Variants in C1QTNF3 observed in about 807,000 individuals in gnomAD.
The protein encoded by C1QTNF3 is complement C1q tumor necrosis factor-related protein 3.
C1QTNF3 carries 26 observed loss-of-function variants against 32.6 expected under a neutral mutation model. The ratio of observed to expected loss-of-function variants is 0.80; its 90% confidence interval spans 0.58 to 1.11. C1QTNF3 has a LOEUF of 1.11. Ranked by LOEUF, C1QTNF3 falls within the 50% of genes least tolerant of loss-of-function variation. The pLI is 0.00. For synonymous variants in C1QTNF3, 155 were observed against 146.0 expected (o/e 1.06, Z -0.44); for missense variants, 362 against 398.2 (o/e 0.91, Z 0.77).
At chr5:34,105,193 T>C in the C1QTNF3 span, among the ~76,000 whole-genome samples, 1 of 152,012 alleles carries the variant, frequency 6.6e-6, no homozygotes, top group African/African-American at 2.4e-5. Context: ...ACTTGCTTCA[T>C]TTAACTTTGA....
chr5:34,189,005 G>A, the C1QTNF3 span, among the ~76,000 whole-genome samples: 3 of 149,164 alleles, frequency 2.0e-5, no homozygotes, highest in East Asian at 3.9e-4. Context: ...AGTCTCATGA[G>A]GTCTGATGGT....
chr5:34,198,025 G>C, the C1QTNF3 span, among the ~76,000 whole-genome samples: 1 of 144,046 alleles, frequency 6.9e-6, no homozygotes, highest in Non-Finnish European at 1.5e-5. Flanking sequence ...CACGAGGTCA[G>C]GAGTTCCAGA....
the C1QTNF3 span, among the ~76,000 whole-genome samples, chr5:34,240,068 T>G: frequency 6.6e-6 from 1 of 151,568 alleles, no homozygotes; most frequent in Admixed American, 6.6e-5. Flanking sequence ...AAGGGAGAAA[T>G]TTTAAGAAAG....
chr5:34,205,456 C>T, the C1QTNF3 span, among the ~76,000 whole-genome samples: 1 of 152,126 alleles, frequency 6.6e-6, no homozygotes, highest in Admixed American at 6.5e-5. Flanking sequence ...CCTTGCTGTT[C>T]TTGTGATAAT....
chr5:34,226,098 T>C, the C1QTNF3 span, among the ~76,000 whole-genome samples: 1 of 151,978 alleles, frequency 6.6e-6, no homozygotes, highest in Non-Finnish European at 1.5e-5. Flanking sequence ...TACTTGATAT[T>C]GCTTTTTCCA....
At chr5:34,154,654 T>G in the C1QTNF3 span, among the ~76,000 whole-genome samples, 2 of 152,188 alleles carry the variant, frequency 1.3e-5, no homozygotes, top group South Asian at 4.1e-4. Context: ...TCACTTAATC[T>G]TTCTGCTTGG....
the C1QTNF3 span, among the ~76,000 whole-genome samples, chr5:34,132,435 G>GTATATATGTATA: frequency 7.3e-6 from 1 of 137,724 alleles, no homozygotes; most frequent in African/African-American, 2.9e-5. Context: ...GTATGTGTAT[G>GTATATATGTATA]TATATATATA....
chr5:34,208,225 A>G, the C1QTNF3 span, among the ~76,000 whole-genome samples: 5 of 152,340 alleles, frequency 3.3e-5, no homozygotes, highest in East Asian at 9.6e-4. Flanking sequence ...ACTATTCTAA[A>G]ATGTAGATTT....
At chr5:34,143,327 G>A in the C1QTNF3 span, among the ~76,000 whole-genome samples, 3 of 152,172 alleles carry the variant, frequency 2.0e-5, no homozygotes, top group Admixed American at 6.5e-5. Context: ...GGGAGAAAAG[G>A]AGAAAGAATG....
chr5:34,142,029 A>G, the C1QTNF3 span, among the ~76,000 whole-genome samples: 2 of 152,184 alleles, frequency 1.3e-5, no homozygotes, highest in African/African-American at 4.8e-5. Flanking sequence ...GGGGTGGCAC[A>G]GGAACTGGTT....
the C1QTNF3 span, among the ~76,000 whole-genome samples, chr5:34,195,521 C>A: frequency 2.0e-5 from 3 of 151,952 alleles, no homozygotes; most frequent in Non-Finnish European, 4.4e-5. Context: ...CCATCTGCTA[C>A]AGACTGCATG....
chr5:34,197,456 C>T, the C1QTNF3 span, among the ~76,000 whole-genome samples: 44 of 152,260 alleles, frequency 2.9e-4, 1 homozygote, highest in South Asian at 3.1e-3. Flanking sequence ...GGAGTTTTTA[C>T]GGTCAATCAA....
chr5:34,025,150 C>A (rs1394259408), intron 4 of C1QTNF3, among the ~76,000 whole-genome samples: 3 of 152,124 alleles, frequency 2.0e-5, no homozygotes, highest in Non-Finnish European at 4.4e-5. Flanking sequence ...CATGCCTATT[C>A]ATATGCCTAG....
chr5:34,129,391 A>G, the C1QTNF3 span, among the ~76,000 whole-genome samples: 1 of 152,232 alleles, frequency 6.6e-6, no homozygotes, highest in Non-Finnish European at 1.5e-5. Flanking sequence ...GCTGAATTCT[A>G]GAAGTAGAGA....
At chr5:34,155,455 T>TA in the C1QTNF3 span, among the ~76,000 whole-genome samples, 3 of 152,258 alleles carry the variant, frequency 2.0e-5, no homozygotes, top group Non-Finnish European at 4.4e-5. Context: ...GGCATATTTA[T>TA]AGCAGTATTT....
intron 2 of C1QTNF3, 135 bp downstream of exon 2, chr5:34,035,512 G>T: frequency 1.4e-6 from 1 of 702,044 alleles, no homozygotes; most frequent in South Asian, 1.7e-5. Flanking sequence ...TATGAACCTG[G>T]TATTCCAGGG....
chr5:34,067,534 A>C, the C1QTNF3 span, among the ~76,000 whole-genome samples: 11 of 152,358 alleles, frequency 7.2e-5, no homozygotes, highest in Admixed American at 7.2e-4. Flanking sequence ...AAACTTGTGC[A>C]GGGGAATTCA....
chr5:34,196,496 GACT>G, the C1QTNF3 span, among the ~76,000 whole-genome samples: 1 of 152,274 alleles, frequency 6.6e-6, no homozygotes, highest in Non-Finnish European at 1.5e-5. Context: ...AGCTGAAGCA[GACT>G]AAGATACCAT....
At chr5:34,211,498 C>G in the C1QTNF3 span, among the ~76,000 whole-genome samples, 2 of 150,536 alleles carry the variant, frequency 1.3e-5, no homozygotes, top group African/African-American at 2.4e-5. Flanking sequence ...CCATTAACTC[C>G]TCATTTAGCA....
Sources: gnomAD v4.1 joint callset for allele counts (sites outside exome capture counted in the v4.1 genomes callset) on GRCh38, gnomAD v4.1.1 for gene constraint, MANE v1.5 for transcripts, NCBI Gene and HGNC (gene_info 2026-07-23, HGNC 2026-07-21) for gene names.